Variants in ADCY8 observed in about 807,000 individuals in gnomAD.
ADCY8 encodes adenylate cyclase type 8.
In ADCY8, 51 loss-of-function variants were observed where a neutral mutation model predicts 119.7. That is an observed-to-expected ratio of 0.43 (90% CI 0.34 to 0.54). The LOEUF is 0.54. ADCY8 is among the 20% of genes least tolerant of loss of function. The pLI is 0.03. For missense variants in ADCY8, 1,383 were observed against 1,598.8 expected, an observed-to-expected ratio of 0.87 and a Z score of 2.30; for synonymous variants, 665 against 651.0, an observed-to-expected ratio of 1.02 and a Z score of -0.33.
At chr8:130,979,395 T>C (rs976824727) in intron 2 of ADCY8, among the ~76,000 whole-genome samples, 1 of 152,228 alleles carries the variant, frequency 6.6e-6, no homozygotes, top group African/African-American at 2.4e-5. Flanking sequence ...ACAGTCCTGT[T>C]GTGACAATTG....
intron 5 of ADCY8, among the ~76,000 whole-genome samples, chr8:130,911,619 T>A (rs11781295): frequency 0.58 from 88,003 of 150,910 alleles, 27,218 homozygotes; most frequent in East Asian, 0.68. Context: ...AAATTTTAAA[T>A]TTGTAATCAA....
At chr8:130,961,355 C>A (rs1362999574) in intron 2 of ADCY8, among the ~76,000 whole-genome samples, 3 of 151,996 alleles carry the variant, frequency 2.0e-5, no homozygotes, top group South Asian at 2.1e-4. Flanking sequence ...AGTGATCCAC[C>A]CACCTCGGTC....
intron 13 of ADCY8, among the ~76,000 whole-genome samples, chr8:130,819,182 A>C (rs1268816049): frequency 6.6e-6 from 1 of 152,220 alleles, no homozygotes; most frequent in Admixed American, 6.5e-5. Context: ...ACTAAGTGGC[A>C]GAGTTGGGGT....
At chr8:130,848,653 C>T (rs1424152892) in intron 10 of ADCY8, among the ~76,000 whole-genome samples, 1 of 152,174 alleles carries the variant, frequency 6.6e-6, no homozygotes. Flanking sequence ...GCCCAAAGGG[C>T]ACAGTGATGG....
intron 1 of ADCY8, among the ~76,000 whole-genome samples, chr8:130,999,790 T>A (rs1235989401): frequency 6.6e-6 from 1 of 152,210 alleles, no homozygotes; most frequent in Non-Finnish European, 1.5e-5. Context: ...GGGAAAGTGA[T>A]CCCTGGATCT....
intron 5 of ADCY8, among the ~76,000 whole-genome samples, chr8:130,917,262 G>T (rs566394597): frequency 3.9e-5 from 6 of 152,246 alleles, no homozygotes; most frequent in African/African-American, 1.4e-4. Flanking sequence ...GTCTGTTGAA[G>T]AACTCTAAAG....
At chr8:130,812,847 T>C (rs1257735862) in intron 14 of ADCY8, among the ~76,000 whole-genome samples, 2 of 152,204 alleles carry the variant, frequency 1.3e-5, no homozygotes, top group African/African-American at 2.4e-5. Context: ...CACACATGTA[T>C]CACACATATA....
At chr8:130,815,216 G>A (rs1816299967) in intron 13 of ADCY8, among the ~76,000 whole-genome samples, 1 of 152,160 alleles carries the variant, frequency 6.6e-6, no homozygotes, top group Non-Finnish European at 1.5e-5. Flanking sequence ...AACCCTTCCA[G>A]ATCTTGACCT....
intron 9 of ADCY8, among the ~76,000 whole-genome samples, chr8:130,864,501 C>A (rs940861527): frequency 6.6e-6 from 1 of 152,068 alleles, no homozygotes; most frequent in Non-Finnish European, 1.5e-5. Flanking sequence ...CTTTTGAAAT[C>A]ATCCCAGAGT....
intron 15 of ADCY8, among the ~76,000 whole-genome samples, chr8:130,786,773 G>C (rs1173652977): frequency 6.6e-6 from 1 of 152,200 alleles, no homozygotes; most frequent in African/African-American, 2.4e-5. Flanking sequence ...ATACAGGGTA[G>C]AGGGATGAGG....
chr8:130,988,169 C>A (rs1373346917), intron 2 of ADCY8, among the ~76,000 whole-genome samples: 1 of 152,162 alleles, frequency 6.6e-6, no homozygotes, highest in East Asian at 1.9e-4. Flanking sequence ...GTTTTTTCTG[C>A]CAGACTACAC....
intron 2 of ADCY8, among the ~76,000 whole-genome samples, chr8:130,983,059 C>A (rs770090510): frequency 2.6e-5 from 4 of 152,146 alleles, no homozygotes. Context: ...CCTAATGGAG[C>A]AATAGTGGCA....
intron 1 of ADCY8, among the ~76,000 whole-genome samples, chr8:131,024,272 T>TTAA (rs34815362): frequency 0.076 from 11,583 of 151,874 alleles, 1,305 homozygotes; most frequent in African/African-American, 0.24. Flanking sequence ...ATAGGAATAA[T>TTAA]TAATAATAAT....
chr8:130,906,344 G>A (rs1421614324), intron 6 of ADCY8, among the ~76,000 whole-genome samples: 2 of 152,120 alleles, frequency 1.3e-5, no homozygotes, highest in African/African-American at 2.4e-5. Context: ...AAAGTACCAT[G>A]GTTGATTTTC....
intron 2 of ADCY8, among the ~76,000 whole-genome samples, chr8:130,989,785 T>C (rs950564006): frequency 1.3e-5 from 2 of 152,234 alleles, no homozygotes; most frequent in South Asian, 4.1e-4. Flanking sequence ...TAAGTTCTTA[T>C]AACATCCACC....
intron 15 of ADCY8, among the ~76,000 whole-genome samples, chr8:130,798,730 AG>A (rs1476687622): frequency 6.6e-6 from 1 of 152,212 alleles, no homozygotes; most frequent in Non-Finnish European, 1.5e-5. Flanking sequence ...TCAAGGTAAA[AG>A]CAGCATTGAT....
At chr8:130,812,635 C>T (rs564665761) in intron 14 of ADCY8, among the ~76,000 whole-genome samples, 1 of 152,272 alleles carries the variant, frequency 6.6e-6, no homozygotes, top group South Asian at 2.1e-4. Context: ...TCCCCCAGAC[C>T]CTATGGAGAG....
At chr8:131,034,198 A>G (rs531481177) in intron 1 of ADCY8, among the ~76,000 whole-genome samples, 11 of 152,292 alleles carry the variant, frequency 7.2e-5, no homozygotes, top group Non-Finnish European at 1.3e-4. Context: ...TTAAGTAGTC[A>G]CAGGATTCCC....
At chr8:130,820,664 G>T (rs1816480325) in intron 13 of ADCY8, among the ~76,000 whole-genome samples, 2 of 152,170 alleles carry the variant, frequency 1.3e-5, no homozygotes, top group South Asian at 4.1e-4. Context: ...CAGGAGACTG[G>T]ACCAGAGCTG....
Sources: allele counts gnomAD v4.1 joint callset (sites outside exome capture counted in the v4.1 genomes callset), GRCh38; gene constraint gnomAD v4.1.1; transcripts MANE v1.5; gene names NCBI Gene and HGNC (gene_info 2026-07-23, HGNC 2026-07-21).